Variants in ZNF483 observed in about 807,000 individuals in gnomAD.
The protein encoded by ZNF483 is zinc finger protein HIT-10.
Under a neutral mutation model 28.6 loss-of-function variants are expected in ZNF483, and 9 were observed. The ratio of observed to expected loss-of-function variants is 0.32; its 90% CI spans 0.19 to 0.55. ZNF483 has a LOEUF of 0.55. Ranked by LOEUF, ZNF483 falls within the 20% of genes least tolerant of loss-of-function variation. ZNF483 has a pLI of 0.93. For missense variants in ZNF483, 675 were observed against 871.7 expected, an observed-to-expected ratio of 0.77 and a Z score of 2.84; for synonymous variants, 322 against 306.2, an observed-to-expected ratio of 1.05 and a Z score of -0.54.
chr9:111,531,441 A>G (rs1827344533), intron 3 of ZNF483, among the ~76,000 whole-genome samples: 3 of 151,800 alleles, frequency 2.0e-5, no homozygotes, highest in Non-Finnish European at 2.9e-5. Context: ...CGGTGGCGGT[A>G]TCTCGGCTCA....
Position 111,548,211 on chromosome 9 carries a change from C to T in ZNF483, c.*5041C>T, listed in dbSNP as rs1410111850. ...GAAAATGGCATGAAGATTGGGCTTG[C>T]ATTGAATTTGTAGATCGCTTTGGGT... On this transcript the variant is annotated 3_prime_UTR_variant, in exon 6 of 6. Transcript: ENST00000309235. Among the ~76,000 whole-genome samples the T allele has an allele frequency of 6.6e-6, 1 of 152,118 alleles. No homozygotes were observed. The highest frequency in any genetic ancestry group is 1.5e-5 in the Non-Finnish European group (1 of 68,000).
In ZNF483 at chr9:111,541,892, A is replaced by G. The variant is rs1827680572; in HGVS notation, c.957A>G (p.Lys319=). Residue 319 remains lysine, a synonymous_variant, in exon 6 of 6, where the codon AAA becomes AAG. Coordinates refer to ENST00000309235, the MANE Select transcript of ZNF483 (RefSeq NM_133464.5). Reference sequence around the variant, plus strand: ...TCAAAGAAACTTCAGACTTAATTAAACATCTGAGAGTCTACTTGAGGAAGA... The same window carrying G: ...TCAAAGAAACTTCAGACTTAATTAAGCATCTGAGAGTCTACTTGAGGAAGA... ...HNFKETSDLI[K]HLRVYLRKKS... is the part of the protein sequence containing the mutation. The G allele has an allele frequency of 6.2e-7, 1 of 1,614,058 alleles. No individual in the cohort carries two copies.
At chr9:111,536,614 C>T (rs370789337) in intron 5 of ZNF483, among the ~76,000 whole-genome samples, 1 of 152,236 alleles carries the variant, frequency 6.6e-6, no homozygotes, top group African/African-American at 2.4e-5. Flanking sequence ...TGCTCTATTC[C>T]ATCTTCTCAA....
At chr9:111,574,613 A>G (rs1828975715) in intron 5 of ZNF483, 1 of 706,494 alleles carries the variant, frequency 1.4e-6, no homozygotes, top group East Asian at 3.1e-5. Context: ...TTAAAAAAAA[A>G]AAAAAAAGAA....
At chr9:111,536,503 C>T (rs1475781049) in intron 5 of ZNF483, among the ~76,000 whole-genome samples, 1 of 152,060 alleles carries the variant, frequency 6.6e-6, no homozygotes, top group Non-Finnish European at 1.5e-5. Context: ...CCAGCCTGGG[C>T]GACAGAGCGA....
rs1440119161 is a variant in ZNF483 at position 111,543,019 on chromosome 9, A to G, written c.2084A>G (p.Tyr695Cys). ...HTGEKPYECN[Y>C]CGATFSRSSI... is the part of the protein sequence containing the mutation. Reference sequence around the variant, plus strand: ...GGAGAGAAACCCTATGAGTGTAACTATTGTGGTGCAACCTTTAGTCGAAGC... The same window carrying G: ...GGAGAGAAACCCTATGAGTGTAACTGTTGTGGTGCAACCTTTAGTCGAAGC... The change falls in exon 6 of 6, where the codon TAT becomes TGT. Residue 695 changes from tyrosine to cysteine, a missense_variant. Around this residue, in one of 6 missense-constraint regions of ZNF483, gnomAD observed 55 missense variants for 72.4 expected, o/e 0.76. Coordinates refer to ENST00000309235, the MANE Select transcript of ZNF483 (RefSeq NM_133464.5). 2 of 1,614,198 alleles carry G rather than the reference A, an allele frequency of 1.2e-6. No individual in the cohort carries two copies. Among genetic ancestry groups the G allele is most frequent in the South Asian group, 1.1e-5 (1 of 91,084 alleles).
downstream of ZNF483, among the ~76,000 whole-genome samples, chr9:111,557,345 G>A (rs1828153344): frequency 6.6e-6 from 1 of 151,494 alleles, no homozygotes; most frequent in African/African-American, 2.4e-5. Context: ...CTGCACTCCA[G>A]TTTGGGCGAC....
chr9:111,568,494 G>A (rs766737184), intron 5 of ZNF483, among the ~76,000 whole-genome samples: 1 of 152,190 alleles, frequency 6.6e-6, no homozygotes, highest in Non-Finnish European at 1.5e-5. Context: ...TGTGCACAGT[G>A]AACATAGACC....
At position 111,527,361 on chromosome 9, in the gene ZNF483, G is replaced by A. The variant is rs1827206983; in HGVS notation, c.-35G>A. ...TGGACTGTACTGATACTCAACTAGA[G>A]TGTGAAGGGACTGGATTCCTGCCCC... is the stretch of plus-strand genomic sequence containing the variant. On this transcript the variant is annotated 5_prime_UTR_variant, in exon 2 of 6. It adds an upstream start codon to the 5' untranslated region. Coordinates refer to ENST00000309235, the MANE Select transcript of ZNF483 (RefSeq NM_133464.5). 5 of 1,600,960 alleles carry A rather than the reference G, an allele frequency of 3.1e-6. No homozygotes were observed. The highest frequency in any genetic ancestry group is 4.3e-6 in the Non-Finnish European group (5 of 1,173,960).
At chr9:111,530,701 G>A (rs574484398) in intron 2 of ZNF483, among the ~76,000 whole-genome samples, 174 bp from the exon 3 acceptor site, 48 of 141,736 alleles carry the variant, frequency 3.4e-4, no homozygotes, top group Non-Finnish European at 6.0e-4. Context: ...ATTATTTTGT[G>A]TTGTGAGTAT....
At chr9:111,539,592 C>T (rs1475114523) in intron 5 of ZNF483, 1 of 365,828 alleles carries the variant, frequency 2.7e-6, no homozygotes, top group African/African-American at 2.2e-5. Context: ...GGAGAAGCCC[C>T]ATCTCTACTA....
intron 3 of ZNF483, among the ~76,000 whole-genome samples, chr9:111,533,094 T>G (rs1827391037): frequency 6.6e-6 from 1 of 152,214 alleles, no homozygotes; most frequent in Non-Finnish European, 1.5e-5. Flanking sequence ...TATTGTACAG[T>G]TATTACCTGT....
chr9:111,570,046 G>A (rs1388212542), intron 5 of ZNF483: 3 of 1,611,202 alleles, frequency 1.9e-6, no homozygotes, highest in Non-Finnish European at 2.5e-6. Context: ...CAAAGGGAGT[G>A]TGACCTAGTG....
At chr9:111,565,940 G>A (rs968208402) in intron 5 of ZNF483, among the ~76,000 whole-genome samples, 3 of 152,104 alleles carry the variant, frequency 2.0e-5, no homozygotes, top group Non-Finnish European at 2.9e-5. Flanking sequence ...GGCTGGGCGC[G>A]GTGGCTCACA....
chr9:111,525,474 T>A (rs1245676338), intron 1 of ZNF483, among the ~76,000 whole-genome samples: 1 of 148,708 alleles, frequency 6.7e-6, no homozygotes, highest in Non-Finnish European at 1.5e-5. Context: ...CTGTTGACAT[T>A]TTGGGCGGGA....
intron 5 of ZNF483, among the ~76,000 whole-genome samples, chr9:111,573,051 A>G (rs1456007446): frequency 1.3e-5 from 2 of 152,170 alleles, no homozygotes; most frequent in Non-Finnish European, 2.9e-5. Context: ...GCAGAATTCC[A>G]TCTGATTAAA....
chr9:111,534,239 C>G, intron 4 of ZNF483, 22 bp from the exon 5 acceptor site: 2 of 1,605,872 alleles, frequency 1.2e-6, no homozygotes, highest in Non-Finnish European at 1.7e-6. Flanking sequence ...CAGCAATTTT[C>G]TGTTCTTTTC....
intron 5 of ZNF483, chr9:111,539,566 C>T (rs1827617574): frequency 7.3e-6 from 3 of 413,388 alleles, no homozygotes; most frequent in South Asian, 1.7e-5. Flanking sequence ...GAATTGAAGA[C>T]CAGCCTGACC....
chr9:111,543,102 G>A lies in ZNF483; in HGVS notation c.2167G>A (p.Glu723Lys), dbSNP rs763085482. 7 of 1,613,966 alleles carry A rather than the reference G, an allele frequency of 4.3e-6. No homozygotes were observed. Among genetic ancestry groups the A allele is most frequent in the Admixed American group, 3.3e-5 (2 of 59,992 alleles). ...CGGAAGGAGAGAATATGAATGTAAC[G>A]AATGTGAGAAGACATTTAAAAGTAA... ...HTGRREYECN[E>K]CEKTFKSNSG... The change falls in exon 6 of 6, where the codon GAA (glutamate) becomes AAA (lysine). Residue 723 changes from glutamate (E) to lysine (K), a missense_variant. Glu to Lys is a moderately conservative substitution (Grantham distance 56). Around this residue, in one of 6 missense-constraint regions of ZNF483, gnomAD observed 55 missense variants for 72.4 expected, o/e 0.76. Coordinates refer to ENST00000309235, the MANE Select transcript of ZNF483 (RefSeq NM_133464.5).
Sources: gnomAD v4.1 joint callset for allele counts (sites outside exome capture counted in the v4.1 genomes callset) on GRCh38, gnomAD v4.1.1 for gene constraint, gnomAD v4.1.1 regional missense constraint, MANE v1.5 for transcripts, NCBI Gene and HGNC (gene_info 2026-07-23, HGNC 2026-07-21) for gene names.